The following FBXO40 variants were observed in gnomAD, a reference collection of about 807,000 sequenced individuals.
FBXO40 encodes F-box protein 40.
Under a neutral mutation model 49.9 loss-of-function variants are expected in FBXO40, and 50 were observed. That is an observed-to-expected ratio of 1.00 (90% CI 0.80 to 1.27). The LOEUF is 1.27. FBXO40 is among the 50% of genes most tolerant of loss of function. FBXO40 has a pLI of 0.00. For synonymous variants in FBXO40, 340 were observed against 320.2 expected, an observed-to-expected ratio of 1.06 and a Z score of -0.66; for missense variants, 895 against 870.1, an observed-to-expected ratio of 1.03 and a Z score of -0.36.
At position 121,626,531 on chromosome 3, in the gene FBXO40, T is replaced by C. The variant is rs149824432; in HGVS notation, c.1915-164T>C. 9.9e-5 allele frequency among the ~76,000 whole-genome samples: 15 copies of C among 152,178 alleles called. 1 individual carries two copies. The highest frequency in any genetic ancestry group is 4.2e-4 in the South Asian group (2 of 4,806). On this transcript the variant is annotated intron_variant, in intron 3 of 3. Transcript: ENST00000338040. ...ATTGGTTGGCAGGGGGAACTAGGAATTGGATGCTGGAGGAGGGGCTACCAA... is the reference window on the plus strand; with the variant it reads ...ATTGGTTGGCAGGGGGAACTAGGAACTGGATGCTGGAGGAGGGGCTACCAA...
At chr3:121,604,134 C>T (rs2048918448) in intron 1 of FBXO40, among the ~76,000 whole-genome samples, 1 of 152,192 alleles carries the variant, frequency 6.6e-6, no homozygotes, top group Admixed American at 6.5e-5. Context: ...AGAGGTCAGT[C>T]TTCTGCAACC....
At chr3:121,615,220 AAGT>A (rs1343987221) in intron 1 of FBXO40, among the ~76,000 whole-genome samples, 4 of 150,030 alleles carry the variant, frequency 2.7e-5, no homozygotes, top group African/African-American at 9.8e-5. Flanking sequence ...AAAAAAAAAA[AAGT>A]AGCACATTTG....
At chr3:121,620,925 A>C (rs1030178500) in intron 2 of FBXO40, among the ~76,000 whole-genome samples, 1 of 152,236 alleles carries the variant, frequency 6.6e-6, no homozygotes, top group South Asian at 2.1e-4. Context: ...ATGCGAGCAA[A>C]ACCAGACATG....
At chr3:121,594,813 A>G (rs1023894955) in intron 1 of FBXO40, among the ~76,000 whole-genome samples, 11 of 152,194 alleles carry the variant, frequency 7.2e-5, no homozygotes, top group African/African-American at 2.7e-4. Context: ...CACCAAAACC[A>G]AAGATTGTTA....
intron 1 of FBXO40, among the ~76,000 whole-genome samples, chr3:121,618,684 C>CCG (rs1397015042): frequency 1.3e-5 from 2 of 151,872 alleles, no homozygotes; most frequent in Non-Finnish European, 2.9e-5. Flanking sequence ...GCTTGAGCCA[C>CCG]CGCGCCTGGC....
intron 1 of FBXO40, among the ~76,000 whole-genome samples, chr3:121,609,917 C>A (rs13327244): frequency 0.23 from 35,560 of 152,238 alleles, 5,302 homozygotes; most frequent in Middle Eastern, 0.36. Context: ...ATAATCTTAT[C>A]TGCCACTTCA....
At position 121,593,512 on chromosome 3, in the gene FBXO40, C is replaced by T. The variant is rs1480470331; in HGVS notation, c.-31+10C>T. 6.6e-6 allele frequency: 1 copy of T among 152,208 alleles called. No homozygotes were observed. Among genetic ancestry groups the T allele is most frequent in the Non-Finnish European group, 1.5e-5 (1 of 68,052 alleles). The allele number at this position is 152,208 out of a possible 1,614,324, so 9.4% of individuals were successfully genotyped here. A position where few individuals can be genotyped will look rare whatever the true frequency, so the allele number is the denominator to read the frequency against. On this transcript the variant is annotated intron_variant, in intron 1 of 3. Transcript: ENST00000338040. Reference sequence around the variant, plus strand: ...AGCCTGTTCCATTAAGGTAAGTATTCAAACAGGAGCAGGTGCACCATGACG... The same window carrying T: ...AGCCTGTTCCATTAAGGTAAGTATTTAAACAGGAGCAGGTGCACCATGACG...
intron 1 of FBXO40, among the ~76,000 whole-genome samples, chr3:121,597,659 C>CTTTT (rs11388990): frequency 8.0e-6 from 1 of 124,508 alleles, no homozygotes; most frequent in Admixed American, 9.3e-5. Context: ...TATAGGCCCC[C>CTTTT]TTTTTTTTTT....
intron 1 of FBXO40, among the ~76,000 whole-genome samples, chr3:121,596,900 A>T (rs577846554): frequency 5.3e-5 from 8 of 152,282 alleles, no homozygotes; most frequent in Non-Finnish European, 1.0e-4. Flanking sequence ...AATTCAGTTC[A>T]ATCCTATTCA....
At chr3:121,611,728 A>G (rs2048966754) in intron 1 of FBXO40, among the ~76,000 whole-genome samples, 1 of 152,260 alleles carries the variant, frequency 6.6e-6, no homozygotes, top group African/African-American at 2.4e-5. Flanking sequence ...ATTTCAGACT[A>G]TCACATGGGG....
rs573232642 is a variant in FBXO40, at chr3:121,598,092, G to C, written c.-31+4590G>C. On this transcript the variant is annotated intron_variant, in intron 1 of 3. Transcript: ENST00000338040. ...GGGTGTCAGGTAAGGACTCTCTGTG[G>C]AGGTAACATGTAAGCAGAAAACTAA... Among the ~76,000 whole-genome samples, 4 of 152,342 alleles carry C rather than the reference G, an allele frequency of 2.6e-5. No individual in the cohort carries two copies. In the East Asian group the frequency reaches 7.7e-4, roughly 29 times the overall value.
chr3:121,595,949 T>C (rs892747747), intron 1 of FBXO40, among the ~76,000 whole-genome samples: 1 of 152,208 alleles, frequency 6.6e-6, no homozygotes, highest in African/African-American at 2.4e-5. Flanking sequence ...CAGAATAGTT[T>C]AGTTACTGAC....
chr3:121,600,957 C>T (rs1196406575), intron 1 of FBXO40, among the ~76,000 whole-genome samples: 2 of 152,322 alleles, frequency 1.3e-5, no homozygotes, highest in Middle Eastern at 3.4e-3. Context: ...AACAGGTCAT[C>T]TTCTATCACA....
At chr3:121,607,300 CTTTTTTTTTTTTT>C (rs555162944) in intron 1 of FBXO40, among the ~76,000 whole-genome samples, 3 of 60,128 alleles carry the variant, frequency 5.0e-5, no homozygotes, top group Non-Finnish European at 8.5e-5. Context: ...CTCTAAAGCT[CTTTTTTTTTTTTT>C]TTTTTTTTTT....
intron 1 of FBXO40, among the ~76,000 whole-genome samples, chr3:121,619,177 G>GT (rs920155564): frequency 1.3e-3 from 183 of 145,978 alleles, no homozygotes; most frequent in African/African-American, 3.5e-3. Flanking sequence ...TTTTTTAACT[G>GT]TTTTTTTTTT....
chr3:121,605,845 T>C (rs895454987), intron 1 of FBXO40, among the ~76,000 whole-genome samples: 1 of 152,228 alleles, frequency 6.6e-6, no homozygotes, highest in Non-Finnish European at 1.5e-5. Context: ...TATCTAAGCA[T>C]GTCCCTGTGT....
chr3:121,616,094 C>A (rs143632766), intron 1 of FBXO40, among the ~76,000 whole-genome samples: 3 of 152,172 alleles, frequency 2.0e-5, no homozygotes, highest in Non-Finnish European at 4.4e-5. Flanking sequence ...CTCAGCCACC[C>A]TGCTCTGTTC....
intron 1 of FBXO40, among the ~76,000 whole-genome samples, chr3:121,599,282 A>G (rs778321884): frequency 1.3e-5 from 2 of 152,100 alleles, no homozygotes; most frequent in Admixed American, 6.6e-5. Context: ...AGCCTGGCCA[A>G]CATGGCAAAA....
At chr3:121,621,412 C>T in intron 2 of FBXO40, 21 bp from the exon 3 acceptor site, 1 of 1,589,242 alleles carries the variant, frequency 6.3e-7, no homozygotes, top group Non-Finnish European at 8.6e-7. Context: ...GTTTTCTTCC[C>T]CCTGTCCTTG....
Sources: gnomAD v4.1 joint callset for allele counts (sites outside exome capture counted in the v4.1 genomes callset) on GRCh38, gnomAD v4.1.1 for gene constraint, MANE v1.5 for transcripts, NCBI Gene and HGNC (gene_info 2026-07-23, HGNC 2026-07-21) for gene names.